The following ECE1 variants were observed in gnomAD, a reference collection of about 807,000 sequenced individuals.
ECE1 encodes endothelin-converting enzyme 1.
In ECE1, 35 loss-of-function variants were observed where a neutral mutation model predicts 98.6. That is an observed-to-expected ratio of 0.35 (90% confidence interval 0.27 to 0.47). The LOEUF is 0.47. Ranked by LOEUF, ECE1 falls within the 20% of genes least tolerant of loss-of-function variation. The pLI is 1.00. For missense variants in ECE1, 814 were observed against 1,025.3 expected, an observed-to-expected ratio of 0.79 and a Z score of 2.81; for synonymous variants, 394 against 407.1, an observed-to-expected ratio of 0.97 and a Z score of 0.39.
At chr1:21,231,901 G>C (rs1343688140) in intron 14 of ECE1, among the ~76,000 whole-genome samples, 2 of 152,220 alleles carry the variant, frequency 1.3e-5, no homozygotes, top group Admixed American at 1.3e-4. Flanking sequence ...GGCGTGGGCC[G>C]CTGTACCTGG....
At chr1:21,323,308 A>G (rs988485296) in intron 1 of ECE1, among the ~76,000 whole-genome samples, 8 of 152,224 alleles carry the variant, frequency 5.3e-5, no homozygotes, top group Admixed American at 2.0e-4. Flanking sequence ...AGGGTTATGG[A>G]TCAAAATACA....
chr1:21,286,269 G>A (rs1466655448), intron 2 of ECE1, among the ~76,000 whole-genome samples: 3 of 152,202 alleles, frequency 2.0e-5, no homozygotes, highest in African/African-American at 7.2e-5. Flanking sequence ...GGCTTTGGCA[G>A]AGCAAGAGGC....
rs144737209 is a variant in ECE1, at chr1:21,236,789, A to G, written c.1445T>C (p.Leu482Pro). Residue 482 changes from leucine (L) to proline (P), a missense_variant, in exon 12 of 19, where the codon CTG (leucine) becomes CCG (proline). Leu to Pro is a moderately conservative substitution (Grantham distance 98). Coordinates refer to ENST00000374893, the MANE Select transcript of ECE1 (RefSeq NM_001397.3). ...KKAFEESLST[L>P]KWMDEETRKS... ...TCGGGTTTCCTCATCCATCCACTTC[A>G]GGGTGCTCAGGCTTTCCTCAAATGC... The G allele has an allele frequency of 2.0e-5, 32 of 1,613,186 alleles. No individual in the cohort carries two copies. The African/African-American group carries it at 3.6e-4, about 18-fold the overall frequency.
chr1:21,245,512 A>G (rs1402232833), intron 9 of ECE1, among the ~76,000 whole-genome samples: 1 of 152,172 alleles, frequency 6.6e-6, no homozygotes, highest in Non-Finnish European at 1.5e-5. Flanking sequence ...GAGGCTAAGA[A>G]TAGCAGGGGC....
In ECE1 at chr1:21,258,546, G is replaced by C; in HGVS notation, c.762+147C>G. ...CAGCCTGCAAAGATCTCACCAGTGGGGCCTCTGGAAATAACCCAGGCTCAG... is the reference window on the plus strand; with the variant it reads ...CAGCCTGCAAAGATCTCACCAGTGGCGCCTCTGGAAATAACCCAGGCTCAG... On this transcript the variant is annotated intron_variant, in intron 6 of 18. Transcript: ENST00000374893. The surrounding 1 kb of genome is among the most constrained non-coding windows in gnomAD (Gnocchi z 4.2). The C allele has an allele frequency of 7.8e-7, 1 of 1,279,320 alleles. No homozygotes were observed. The highest frequency in any genetic ancestry group is 1.1e-6 in the Non-Finnish European group (1 of 911,058). The allele number at this position is 1,279,320 out of a possible 1,614,324, so 79.2% of individuals were successfully genotyped here.
At chr1:21,341,013 C>G (rs924417563) in intron 1 of ECE1, among the ~76,000 whole-genome samples, 1 of 151,992 alleles carries the variant, frequency 6.6e-6, no homozygotes, top group African/African-American at 2.4e-5. Flanking sequence ...GGTCTGTACT[C>G]TTGCACATTC....
intron 11 of ECE1, 90 bp from the exon 12 acceptor site, chr1:21,236,934 G>T: frequency 1.6e-6 from 2 of 1,229,528 alleles, no homozygotes; most frequent in South Asian, 1.2e-5. Flanking sequence ...GATGGCCAGA[G>T]ATTAAACTCA....
chr1:21,342,607 T>TACACACACAC (rs71014187), intron 1 of ECE1, among the ~76,000 whole-genome samples: 350 of 139,820 alleles, frequency 2.5e-3, no homozygotes, highest in African/African-American at 7.9e-3. Flanking sequence ...CACACACAGA[T>TACACACACAC]ACACACACAC....
At chr1:21,313,828 A>T (rs949360502) in intron 1 of ECE1, among the ~76,000 whole-genome samples, 5 of 152,176 alleles carry the variant, frequency 3.3e-5, no homozygotes, top group African/African-American at 1.2e-4. Context: ...TGGGGAATTC[A>T]AGTGCTGCCT....
Position 21,345,499 on chromosome 1 carries a change from G to A in ECE1, c.-121C>T. 1 of 983,912 alleles carries A rather than the reference G, an allele frequency of 1.0e-6. No individual in the cohort carries two copies. Among genetic ancestry groups the A allele is most frequent in the African/African-American group, 1.7e-5 (1 of 58,774 alleles). The allele number at this position is 983,912 out of a possible 1,614,324, so 60.9% of individuals were successfully genotyped here. ...GGCTCGGCTGCCTGGCCCAGGCGGC[G>A]CGCTCAGCTCCAGCGGGCGAGCTCG... On this transcript the variant is annotated 5_prime_UTR_variant, in exon 1 of 19. Transcript: ENST00000415912. This position sits in a 1 kb window ranked among gnomAD's most constrained non-coding sequence, Gnocchi z 5.1.
intron 1 of ECE1, among the ~76,000 whole-genome samples, chr1:21,326,616 T>C (rs1282489182): frequency 6.6e-6 from 1 of 151,656 alleles, no homozygotes; most frequent in Non-Finnish European, 1.5e-5. Flanking sequence ...GGGTTATATT[T>C]CTGGTTTCAG....
At chr1:21,261,091 T>C (rs977263376) in intron 4 of ECE1, among the ~76,000 whole-genome samples, 1 of 152,182 alleles carries the variant, frequency 6.6e-6, no homozygotes, top group African/African-American at 2.4e-5. Flanking sequence ...CTGGTGAAGA[T>C]GACCGCTTCC....
At chr1:21,290,597 C>T, upstream of ECE1, 1 of 1,191,888 alleles carries the variant, frequency 8.4e-7, no homozygotes, top group Non-Finnish European at 1.0e-6. This position sits in a 1 kb window ranked among gnomAD's most constrained non-coding sequence, Gnocchi z 7.3. Flanking sequence ...CCCCTCCCTT[C>T]CCCGGAGGTC....
chr1:21,226,482 T>A (rs2098174393), intron 16 of ECE1, among the ~76,000 whole-genome samples: 1 of 152,096 alleles, frequency 6.6e-6, no homozygotes. Flanking sequence ...CCTCCAAAGC[T>A]AAGACCCTTA....
chr1:21,330,210 A>G (rs1446626269), intron 1 of ECE1, among the ~76,000 whole-genome samples: 1 of 90,602 alleles, frequency 1.1e-5, no homozygotes, highest in African/African-American at 4.4e-5. Flanking sequence ...GCTCCTGCCC[A>G]CATACTCGCC....
Position 21,236,723 on chromosome 1 carries a change from T to A in ECE1, c.1488+23A>T, listed in dbSNP as rs2098188710. The A allele has an allele frequency of 5.0e-6, 8 of 1,611,294 alleles. No homozygotes were observed. In the South Asian group the frequency reaches 7.7e-5, roughly 15 times the overall value. ...CTGTGCTGGACGCCGCAGCACCCCC[T>A]CCAAGTGCCTGGCCAGCCTCACCTT... On this transcript the variant is annotated intron_variant, in intron 12 of 18. Transcript: ENST00000374893.
intron 13 of ECE1, among the ~76,000 whole-genome samples, chr1:21,234,364 T>C (rs1044636463): frequency 1.3e-5 from 2 of 150,762 alleles, no homozygotes; most frequent in Non-Finnish European, 2.9e-5. Flanking sequence ...ATTATTTAAA[T>C]AGCCACCTGT....
chr1:21,264,418 G>T (rs2098231318), intron 4 of ECE1, among the ~76,000 whole-genome samples: 1 of 150,676 alleles, frequency 6.6e-6, no homozygotes, highest in Admixed American at 6.6e-5. Flanking sequence ...GGGTTCAAGT[G>T]ATTCTCCTGC....
At chr1:21,303,305 G>A (rs756839707) in intron 1 of ECE1, among the ~76,000 whole-genome samples, 22 of 152,222 alleles carry the variant, frequency 1.4e-4, no homozygotes, top group Admixed American at 2.6e-4. Flanking sequence ...CCTTGCCCTC[G>A]AGAGGAACAT....
Sources: gnomAD v4.1 joint callset for allele counts (sites outside exome capture counted in the v4.1 genomes callset) on GRCh38, gnomAD v4.1.1 for gene constraint, Gnocchi (gnomAD v3.1) non-coding constraint, MANE v1.5 for transcripts, NCBI Gene and HGNC (gene_info 2026-07-23, HGNC 2026-07-21) for gene names.